The following GALNT13 variants were observed in gnomAD, a reference collection of about 807,000 sequenced individuals.
GALNT13 encodes the protein UDP-GalNAc:polypeptide N-acetylgalactosaminyltransferase 13.
Under a neutral mutation model 64.2 loss-of-function variants are expected in GALNT13, and 28 were observed. That is an observed-to-expected ratio of 0.44 (90% CI 0.32 to 0.60). The LOEUF is 0.60. Ranked by LOEUF, GALNT13 falls within the 20% of genes least tolerant of loss-of-function variation. The pLI, the probability that GALNT13 is intolerant of heterozygous loss-of-function variation, is 0.05. For missense variants in GALNT13, 577 were observed against 669.8 expected, an observed-to-expected ratio of 0.86 and a Z score of 1.53; for synonymous variants, 214 against 224.6, an observed-to-expected ratio of 0.95 and a Z score of 0.42.
At chr2:154,208,342 A>G (rs1038725021) in intron 4 of GALNT13, among the ~76,000 whole-genome samples, 4 of 152,198 alleles carry the variant, frequency 2.6e-5, no homozygotes, top group Non-Finnish European at 5.9e-5. Flanking sequence ...TAATCTGCAT[A>G]TTGCATTTGT....
At chr2:153,583,241 T>C in the GALNT13 span, among the ~76,000 whole-genome samples, 1 of 152,164 alleles carries the variant, frequency 6.6e-6, no homozygotes, top group African/African-American at 2.4e-5. Flanking sequence ...AGAAAGCTGA[T>C]AGGCTGAGCA....
downstream of GALNT13, among the ~76,000 whole-genome samples, chr2:154,455,547 T>G (rs1037044940): frequency 6.6e-6 from 1 of 151,550 alleles, no homozygotes; most frequent in African/African-American, 2.4e-5. Context: ...ATTCCGCCAC[T>G]GCCCATTTTC....
At chr2:153,999,908 A>G (rs759772200) in intron 3 of GALNT13, among the ~76,000 whole-genome samples, 11 of 151,798 alleles carry the variant, frequency 7.2e-5, no homozygotes, top group Non-Finnish European at 1.5e-4. Context: ...TCTTTTTTTT[A>G]AATGTTTGTT....
chr2:154,417,880 G>GT (rs1330475591), intron 11 of GALNT13, among the ~76,000 whole-genome samples: 1 of 151,998 alleles, frequency 6.6e-6, no homozygotes, highest in South Asian at 2.1e-4. Flanking sequence ...ATATAGTGCT[G>GT]TATTTTTTCT....
intron 8 of GALNT13, among the ~76,000 whole-genome samples, chr2:154,263,207 C>A (rs1313580376): frequency 6.6e-6 from 1 of 152,154 alleles, no homozygotes; most frequent in Non-Finnish European, 1.5e-5. Context: ...CATTCAACAC[C>A]CAGCTCTGGC....
At chr2:154,063,255 A>G (rs917019904) in intron 3 of GALNT13, among the ~76,000 whole-genome samples, 2 of 152,164 alleles carry the variant, frequency 1.3e-5, no homozygotes, top group African/African-American at 2.4e-5. Flanking sequence ...GGTCTTCTGT[A>G]TAGCCAGTGT....
Position 154,255,825 on chromosome 2 carries a change from G to T in GALNT13, c.858-3196G>T, listed in dbSNP as rs117680928. Among the ~76,000 whole-genome samples, 934 of 152,160 alleles carry T rather than the reference G, an allele frequency of 6.1e-3. 16 individuals carry two copies. Among genetic ancestry groups the T allele is most frequent in the East Asian group, 0.057 (294 of 5,164 alleles). ...CCAGCACGTTGAGAGGCCAAGGTGG[G>T]CAGGTCATTTGAGCCCAGGAGTTCA... On this transcript the variant is annotated intron_variant, in intron 7 of 12. Transcript: ENST00000392825.
At chr2:153,860,354 C>A in the GALNT13 span, among the ~76,000 whole-genome samples, 2 of 152,304 alleles carry the variant, frequency 1.3e-5, no homozygotes, top group East Asian at 3.9e-4. Context: ...CATCCTTGTA[C>A]TTGCCCTAGT....
At chr2:153,809,411 T>C in the GALNT13 span, among the ~76,000 whole-genome samples, 2 of 152,204 alleles carry the variant, frequency 1.3e-5, no homozygotes, top group Non-Finnish European at 2.9e-5. Flanking sequence ...TGTGATTCTC[T>C]TGGCTGTAAG....
At chr2:153,545,762 C>T in the GALNT13 span, among the ~76,000 whole-genome samples, 1 of 152,124 alleles carries the variant, frequency 6.6e-6, no homozygotes, top group Non-Finnish European at 1.5e-5. Flanking sequence ...GGATCTGTCC[C>T]AACTCTGGTC....
chr2:154,161,451 T>C (rs1470237271), intron 4 of GALNT13, among the ~76,000 whole-genome samples: 1 of 150,838 alleles, frequency 6.6e-6, no homozygotes, highest in East Asian at 2.0e-4. Flanking sequence ...GTGGTAGGAG[T>C]AGGGACAGGA....
At chr2:154,200,802 GA>G (rs1286088434) in intron 4 of GALNT13, among the ~76,000 whole-genome samples, 1 of 152,134 alleles carries the variant, frequency 6.6e-6, no homozygotes, top group Non-Finnish European at 1.5e-5. Context: ...GAATTTTGGA[GA>G]GGACACATTC....
the GALNT13 span, among the ~76,000 whole-genome samples, chr2:153,104,101 C>T: frequency 1.3e-5 from 2 of 152,142 alleles, no homozygotes; most frequent in African/African-American, 4.8e-5. Flanking sequence ...TACATATTTA[C>T]TGAATTAAAG....
chr2:153,351,212 T>A, the GALNT13 span, among the ~76,000 whole-genome samples: 1 of 152,178 alleles, frequency 6.6e-6, no homozygotes, highest in African/African-American at 2.4e-5. Context: ...CATGTATGTT[T>A]TTTACTCTCA....
chr2:153,345,635 T>TTTTCTTTCTTTCTTTC, the GALNT13 span, among the ~76,000 whole-genome samples: 295 of 68,842 alleles, frequency 4.3e-3, 4 homozygotes, highest in Admixed American at 5.2e-3. Flanking sequence ...TTTCCTTTCT[T>TTTTCTTTCTTTCTTTC]TTTCTTTCTT....
the GALNT13 span, among the ~76,000 whole-genome samples, chr2:153,196,737 G>A: frequency 1.3e-5 from 2 of 152,014 alleles, no homozygotes; most frequent in African/African-American, 2.4e-5. Flanking sequence ...TGGGTGGCTC[G>A]TCCTGACCCC....
chr2:154,384,736 T>C (rs559239553), intron 9 of GALNT13, among the ~76,000 whole-genome samples: 1 of 152,066 alleles, frequency 6.6e-6, no homozygotes, highest in African/African-American at 2.4e-5. Flanking sequence ...CTACCCACTG[T>C]CATTCTCAGT....
chr2:153,591,122 G>T, the GALNT13 span, among the ~76,000 whole-genome samples: 2 of 151,996 alleles, frequency 1.3e-5, no homozygotes, highest in African/African-American at 2.4e-5. Flanking sequence ...CAATAAAGTT[G>T]CAGGATAAAA....
At chr2:153,545,330 G>A in the GALNT13 span, among the ~76,000 whole-genome samples, 2 of 152,200 alleles carry the variant, frequency 1.3e-5, no homozygotes, top group Non-Finnish European at 1.5e-5. Flanking sequence ...CAAGGAGAAT[G>A]AGGCAGAGGA....
Sources: gnomAD v4.1 joint callset for allele counts (sites outside exome capture counted in the v4.1 genomes callset) on GRCh38, gnomAD v4.1.1 for gene constraint, MANE v1.5 for transcripts, NCBI Gene and HGNC (gene_info 2026-07-23, HGNC 2026-07-21) for gene names.